Variants in KIF26B observed in about 807,000 individuals in gnomAD.
The protein encoded by KIF26B is kinesin-like protein KIF26B.
Under a neutral mutation model 151.2 loss-of-function variants are expected in KIF26B, and 63 were observed. That is an observed-to-expected ratio of 0.42 (90% CI 0.34 to 0.51). The LOEUF (loss-of-function observed/expected upper bound fraction) is 0.51. Among genes scored for constraint, KIF26B ranks in the 20% least tolerant of loss-of-function variants. KIF26B has a pLI of 0.07. For synonymous variants in KIF26B, 1,357 were observed against 1,262.1 expected, an observed-to-expected ratio of 1.08 and a Z score of -1.59; for missense variants, 2,813 against 2,913.6, an observed-to-expected ratio of 0.97 and a Z score of 0.79.
intron 4 of KIF26B, among the ~76,000 whole-genome samples, chr1:245,431,556 G>A (rs944691017): frequency 6.6e-6 from 1 of 152,176 alleles, no homozygotes; most frequent in African/African-American, 2.4e-5. Context: ...ATGTTGGCCA[G>A]GCTGGTCTCA....
intron 3 of KIF26B, among the ~76,000 whole-genome samples, chr1:245,409,609 G>A (rs554273256): frequency 2.0e-5 from 3 of 152,294 alleles, no homozygotes; most frequent in South Asian, 4.1e-4. Flanking sequence ...GCTGTGGATG[G>A]ATAATTTTAT....
intron 2 of KIF26B, among the ~76,000 whole-genome samples, chr1:245,295,466 G>T (rs1241662193): frequency 6.6e-6 from 1 of 152,114 alleles, no homozygotes; most frequent in Admixed American, 6.5e-5. Context: ...CCGTATCATG[G>T]GTTCCTGTCC....
chr1:245,541,029 C>T (rs929030358), intron 5 of KIF26B, 79 bp downstream of exon 5: 1 of 1,172,592 alleles, frequency 8.5e-7, no homozygotes, highest in African/African-American at 1.5e-5. Flanking sequence ...AAAATGAGGC[C>T]TCCAATGTAT....
rs531947133 is a variant in KIF26B at position 245,229,885 on chromosome 1, C to T, written c.465+73202C>T. Among the ~76,000 whole-genome samples, 45 of 152,038 alleles carry T rather than the reference C, an allele frequency of 3.0e-4. 1 individual carries two copies. In the South Asian group the frequency reaches 8.5e-3, roughly 29 times the overall value. On this transcript the variant is annotated intron_variant, in intron 2 of 14. Transcript: ENST00000407071. ...TTCGGTGGCTCACGCCTGTAATCCCCGCACTTTGGGAGGCCGAGGTGGGCG... is the reference window on the plus strand; with the variant it reads ...TTCGGTGGCTCACGCCTGTAATCCCTGCACTTTGGGAGGCCGAGGTGGGCG...
chr1:245,198,090 C>T (rs536962435), intron 2 of KIF26B, among the ~76,000 whole-genome samples: 53 of 152,336 alleles, frequency 3.5e-4, no homozygotes, highest in African/African-American at 1.2e-3. Context: ...TTCCCTTTTG[C>T]AGCAGATACT....
rs1172397969 is a variant in KIF26B, at chr1:245,374,059, CAAAAAAAAAAAAAAAAAAAAA to C, written c.999+6708_999+6728del. On this transcript the variant is annotated intron_variant, in intron 3 of 14. Transcript: ENST00000407071. ...GTGACAGAGACCCGAGAACCTATCT[CAAAAAAAAAAAAAAAAAAAAA>C]AAAAAAAAAAAAAAATATATATATA... is the stretch of plus-strand genomic sequence containing the variant. Among the ~76,000 whole-genome samples, 14 of 17,498 alleles carry C rather than the reference CAAAAAAAAAAAAAAAAAAAAA, an allele frequency of 8.0e-4. 1 individual carries two copies. Among genetic ancestry groups the C allele is most frequent in the East Asian group, 5.0e-3 (2 of 402 alleles). The allele number at this position is 17,498 out of a possible 152,430, so 11.5% of individuals were successfully genotyped here.
intron 3 of KIF26B, among the ~76,000 whole-genome samples, chr1:245,416,938 G>C (rs1043540370): frequency 2.0e-4 from 31 of 152,280 alleles, no homozygotes; most frequent in African/African-American, 7.5e-4. Flanking sequence ...TTGGAGGGAT[G>C]CCCTCTCCCC....
intron 4 of KIF26B, among the ~76,000 whole-genome samples, chr1:245,503,451 T>A (rs1197337009): frequency 6.6e-6 from 1 of 152,230 alleles, no homozygotes; most frequent in East Asian, 1.9e-4. Flanking sequence ...ACTTCCTTTG[T>A]TCCATACAGA....
intron 2 of KIF26B, among the ~76,000 whole-genome samples, chr1:245,279,755 T>TG (rs1340014527): frequency 9.9e-5 from 15 of 152,082 alleles, no homozygotes; most frequent in Non-Finnish European, 1.6e-4. Flanking sequence ...TTTTTTTTTT[T>TG]AGCTTGTGCT....
intron 5 of KIF26B, among the ~76,000 whole-genome samples, chr1:245,581,262 G>A (rs1404335968): frequency 6.6e-6 from 1 of 152,210 alleles, no homozygotes; most frequent in Non-Finnish European, 1.5e-5. Context: ...GTATCACCTG[G>A]ATAAGTATTC....
rs368190159 is a variant in KIF26B at position 245,698,289 on chromosome 1, G to A, written c.6008G>A (p.Arg2003Gln). 129 of 1,613,410 alleles carry A rather than the reference G, an allele frequency of 8.0e-5. 1 individual carries two copies. The East Asian group carries it at 2.1e-3, about 26-fold the overall frequency. Reference sequence around the variant, plus strand: ...GATGACGTGGAGCGCCTGCAGCGGCGACGAGGGGGTGCCAGCAAGGTGAGG... The same window carrying A: ...GATGACGTGGAGCGCCTGCAGCGGCAACGAGGGGGTGCCAGCAAGGTGAGG... ...EIDDVERLQR[R>Q]RGGASKEAMC... The change falls in exon 13 of 15, where the codon CGA becomes CAA. Residue 2003 changes from arginine (R) to glutamine (Q), a missense_variant. Arg to Gln is a conservative substitution (Grantham distance 43). Coordinates refer to ENST00000407071, the MANE Select transcript of KIF26B (RefSeq NM_018012.4). This position sits in a 1 kb window ranked among gnomAD's most constrained non-coding sequence, Gnocchi z 4.0.
intron 2 of KIF26B, among the ~76,000 whole-genome samples, chr1:245,181,147 T>C (rs1199075221): frequency 6.7e-6 from 1 of 150,112 alleles, no homozygotes; most frequent in Non-Finnish European, 1.5e-5. Context: ...ATTCAAGCCC[T>C]TTTTTTTCCC....
intron 5 of KIF26B, among the ~76,000 whole-genome samples, chr1:245,557,704 GAGGTGAGTCCATATTT>G (rs1662072559): frequency 6.6e-6 from 1 of 152,172 alleles, no homozygotes; most frequent in Non-Finnish European, 1.5e-5. Context: ...GGTATCAGGT[GAGGTGAGTCCATATTT>G]AGGTCTCCAG....
intron 3 of KIF26B, among the ~76,000 whole-genome samples, chr1:245,383,456 C>T (rs1673465713): frequency 6.6e-6 from 1 of 152,198 alleles, no homozygotes; most frequent in Admixed American, 6.5e-5. Flanking sequence ...GCAGCTGAGA[C>T]TGTGTATTGG....
chr1:245,510,969 T>C, intron 4 of KIF26B: 1 of 647,986 alleles, frequency 1.5e-6, no homozygotes, highest in Non-Finnish European at 2.8e-6. Context: ...TTTTCCAGCC[T>C]TTCCTCCTTC....
chr1:245,280,170 C>G (rs1671013471), intron 2 of KIF26B, among the ~76,000 whole-genome samples: 1 of 151,942 alleles, frequency 6.6e-6, no homozygotes, highest in Non-Finnish European at 1.5e-5. Context: ...AACCCCCTAA[C>G]AGCAGTTAGT....
intron 2 of KIF26B, among the ~76,000 whole-genome samples, chr1:245,222,400 G>A (rs553452611): frequency 6.6e-6 from 1 of 152,262 alleles, no homozygotes; most frequent in African/African-American, 2.4e-5. Flanking sequence ...TCGTACCATT[G>A]CCCTCCAGCC....
At chr1:245,384,502 G>T (rs901233328) in intron 3 of KIF26B, among the ~76,000 whole-genome samples, 2 of 152,188 alleles carry the variant, frequency 1.3e-5, no homozygotes, top group African/African-American at 4.8e-5. Flanking sequence ...GCTCATCGCA[G>T]TCTCAAACTC....
At chr1:245,320,280 T>G (rs2102986669) in intron 2 of KIF26B, among the ~76,000 whole-genome samples, 1 of 152,336 alleles carries the variant, frequency 6.6e-6, no homozygotes, top group Admixed American at 6.5e-5. Flanking sequence ...TTCCTCAAAA[T>G]CCCTTTACTA....
Sources: allele counts gnomAD v4.1 joint callset (sites outside exome capture counted in the v4.1 genomes callset), GRCh38; gene constraint gnomAD v4.1.1; non-coding constraint Gnocchi (gnomAD v3.1); transcripts MANE v1.5; gene names NCBI Gene and HGNC (gene_info 2026-07-23, HGNC 2026-07-21).